The following COL21A1 variants were observed in gnomAD, a reference collection of about 807,000 sequenced individuals.
The protein encoded by COL21A1 is collagen alpha-1(XXI) chain.
COL21A1 carries 149 observed loss-of-function variants against 137.9 expected under a neutral mutation model. The observed-to-expected ratio is 1.08, with a 90% CI of 0.95 to 1.24. The LOEUF (loss-of-function observed/expected upper bound fraction) is 1.24, where lower values mean the gene tolerates loss of function less well. Among genes scored for constraint, COL21A1 ranks in the 50% most tolerant of loss-of-function variants. The pLI, the probability that COL21A1 is intolerant of heterozygous loss-of-function variation, is 0.00. For missense variants in COL21A1, 1,167 were observed against 1,158.4 expected (o/e 1.01, Z -0.11); for synonymous variants, 456 against 391.5 (o/e 1.16, Z -1.95).
intron 17 of COL21A1, among the ~76,000 whole-genome samples, chr6:56,093,894 T>C (rs1317289705): frequency 2.0e-5 from 3 of 152,206 alleles, no homozygotes; most frequent in African/African-American, 7.2e-5. Context: ...TATCTTTATA[T>C]GTGGCTTCCA....
intron 1 of COL21A1, among the ~76,000 whole-genome samples, chr6:56,192,821 C>A (rs929362344): frequency 2.6e-5 from 4 of 151,418 alleles, no homozygotes; most frequent in African/African-American, 9.7e-5. Context: ...TTTGACCCAG[C>A]AATCCCAGGA....
intron 9 of COL21A1, among the ~76,000 whole-genome samples, 185 bp downstream of exon 9, chr6:56,164,238 T>C (rs1776399060): frequency 6.6e-6 from 1 of 152,202 alleles, no homozygotes; most frequent in African/African-American, 2.4e-5. Context: ...GTTCAAAAGG[T>C]ATCCTAATCT....
intron 1 of COL21A1, among the ~76,000 whole-genome samples, chr6:56,189,369 G>C (rs9475597): frequency 0.013 from 1,981 of 151,756 alleles, 43 homozygotes; most frequent in African/African-American, 0.045. Context: ...AAGGATATCA[G>C]AAATTGAAGA....
chr6:56,059,428 A>T (rs1765602928), intron 28 of COL21A1, among the ~76,000 whole-genome samples, 186 bp from the exon 29 acceptor site: 2 of 152,200 alleles, frequency 1.3e-5, no homozygotes. Flanking sequence ...AGTGGTTTAG[A>T]TCCAAGACTT....
intron 1 of COL21A1, among the ~76,000 whole-genome samples, chr6:56,223,197 G>A (rs1316540449): frequency 2.0e-5 from 3 of 152,046 alleles, no homozygotes; most frequent in Non-Finnish European, 4.4e-5. Context: ...GATCATGACT[G>A]ACAGTAACAT....
chr6:56,193,842 C>G (rs768640542), intron 1 of COL21A1, among the ~76,000 whole-genome samples: 1 of 151,984 alleles, frequency 6.6e-6, no homozygotes, highest in African/African-American at 2.4e-5. Flanking sequence ...GCAGTCTCCA[C>G]CTCCCAGGCT....
At chr6:56,176,968 G>T (rs1004343920) in intron 3 of COL21A1, among the ~76,000 whole-genome samples, 44 of 149,392 alleles carry the variant, frequency 2.9e-4, no homozygotes, top group African/African-American at 1.1e-3. Context: ...GAATGAGGGA[G>T]GCAGGAGCAG....
intron 1 of COL21A1, among the ~76,000 whole-genome samples, chr6:56,357,416 AGCAT>A (rs1258483112): frequency 4.6e-5 from 7 of 152,246 alleles, no homozygotes; most frequent in African/African-American, 1.7e-4. Context: ...TAACACTGGT[AGCAT>A]GACTGGAACT....
chr6:56,058,903 G>T (rs866055526), intron 29 of COL21A1, among the ~76,000 whole-genome samples: 1 of 152,102 alleles, frequency 6.6e-6, no homozygotes, highest in African/African-American at 2.4e-5. Context: ...ATAAGCAGGG[G>T]TGACTAAAAT....
intron 3 of COL21A1, among the ~76,000 whole-genome samples, chr6:56,171,779 A>G (rs1019637052): frequency 2.1e-4 from 32 of 151,910 alleles, no homozygotes; most frequent in Non-Finnish European, 4.3e-4. Context: ...AATCATACTT[A>G]TAAAGAATAT....
chr6:56,179,607 C>G lies in COL21A1; in HGVS notation c.611G>C (p.Arg204Thr), dbSNP rs377305296. The change falls in exon 3 of 30, where the codon AGG (arginine) becomes ACG (threonine). Residue 204 changes from arginine (R) to threonine (T), a missense_variant. Physicochemically the swap from Arg to Thr is moderately conservative, Grantham distance 71. Coordinates refer to ENST00000244728, the MANE Select transcript of COL21A1 (RefSeq NM_030820.4). ...VEDYIAISKI[R>T]EVMKQKLCEE... ...ACAAAGTTTCTGCTTCATCACTTCC[C>G]TTATTTTGGATATTGCAATATAGTC... 6.2e-7 allele frequency: 1 copy of G among 1,611,530 alleles called. No homozygotes were observed.
At chr6:56,106,189 C>G (rs1438429699) in intron 16 of COL21A1, among the ~76,000 whole-genome samples, 1 of 152,112 alleles carries the variant, frequency 6.6e-6, no homozygotes, top group Non-Finnish European at 1.5e-5. Flanking sequence ...GCTTTTTTCT[C>G]CTTCTGCCAA....
At chr6:56,208,108 C>T (rs1171471037) in intron 1 of COL21A1, among the ~76,000 whole-genome samples, 1 of 152,142 alleles carries the variant, frequency 6.6e-6, no homozygotes, top group East Asian at 1.9e-4. Context: ...GAAGCACTCC[C>T]TCTGAAAACT....
intron 1 of COL21A1, among the ~76,000 whole-genome samples, chr6:56,338,611 C>G (rs57916745): frequency 1.3e-5 from 2 of 152,006 alleles, no homozygotes; most frequent in African/African-American, 4.8e-5. Flanking sequence ...CTCTCTATCT[C>G]TTCTCCCTTT....
At chr6:56,103,302 A>C (rs1196925993) in intron 16 of COL21A1, among the ~76,000 whole-genome samples, 1 of 152,128 alleles carries the variant, frequency 6.6e-6, no homozygotes, top group Non-Finnish European at 1.5e-5. Flanking sequence ...CCCTGCTATA[A>C]GTCATTAGAT....
At chr6:56,086,152 A>G (rs951165544) in intron 17 of COL21A1, among the ~76,000 whole-genome samples, 1 of 152,006 alleles carries the variant, frequency 6.6e-6, no homozygotes, top group Non-Finnish European at 1.5e-5. Flanking sequence ...TTACATATAC[A>G]TTATTTTTCC....
intron 16 of COL21A1, among the ~76,000 whole-genome samples, chr6:56,108,247 G>A (rs985532796): frequency 1.3e-5 from 2 of 151,902 alleles, no homozygotes; most frequent in African/African-American, 4.8e-5. Flanking sequence ...TATTTTGACA[G>A]AGATAAGACC....
intron 16 of COL21A1, among the ~76,000 whole-genome samples, chr6:56,119,029 G>T (rs1772203976): frequency 6.6e-6 from 1 of 152,048 alleles, no homozygotes; most frequent in Non-Finnish European, 1.5e-5. Flanking sequence ...ACATGACAGG[G>T]TGTCCACTGT....
At chr6:56,073,040 C>T (rs1034562072) in intron 20 of COL21A1, among the ~76,000 whole-genome samples, 1 of 150,694 alleles carries the variant, frequency 6.6e-6, no homozygotes, top group African/African-American at 2.4e-5. Flanking sequence ...AAACCTTTTA[C>T]GGAAAGTCCA....
Sources: allele counts gnomAD v4.1 joint callset (sites outside exome capture counted in the v4.1 genomes callset), GRCh38; gene constraint gnomAD v4.1.1; transcripts MANE v1.5; gene names NCBI Gene and HGNC (gene_info 2026-07-23, HGNC 2026-07-21).